TMTC2: variants seen among roughly 807,000 people sequenced by gnomAD.
TMTC2 encodes protein O-mannosyl-transferase TMTC2.
In TMTC2, 43 loss-of-function variants were observed where a neutral mutation model predicts 82.4. The ratio of observed to expected loss-of-function variants is 0.52; its 90% CI spans 0.41 to 0.67. TMTC2 has a LOEUF of 0.67. Among genes scored for constraint, TMTC2 ranks in the 30% least tolerant of loss-of-function variants. The pLI is 0.00. For missense variants in TMTC2, 919 were observed against 1,012.4 expected (o/e 0.91, Z 1.25); for synonymous variants, 408 against 381.9 (o/e 1.07, Z -0.80).
intron 4 of TMTC2, among the ~76,000 whole-genome samples, chr12:82,943,470 C>T (rs776615562): frequency 6.6e-6 from 1 of 152,306 alleles, no homozygotes; most frequent in East Asian, 1.9e-4. Flanking sequence ...TCAGTTGTTG[C>T]ACTAATATGG....
At position 82,746,415 on chromosome 12, in the gene TMTC2, G is replaced by A. The variant is rs577564152; in HGVS notation, c.83+58746G>A. Among the ~76,000 whole-genome samples, 7 of 152,204 alleles carry A rather than the reference G, an allele frequency of 4.6e-5. No homozygotes were observed. The East Asian group carries it at 9.7e-4, about 21-fold the overall frequency. On this transcript the variant is annotated intron_variant, in intron 1 of 11. Transcript: ENST00000321196. ...CTACTGGGAAGTATTTCATTTAATT[G>A]AACACATATTTATGGGATGCATCAT...
intron 1 of TMTC2, among the ~76,000 whole-genome samples, chr12:82,772,053 A>T (rs1877342869): frequency 6.6e-6 from 1 of 152,114 alleles, no homozygotes; most frequent in Admixed American, 6.6e-5. Flanking sequence ...GTGTGTGTGT[A>T]TGTTTTTTTC....
At chr12:82,807,067 T>A (rs1242139564) in intron 1 of TMTC2, among the ~76,000 whole-genome samples, 1 of 152,146 alleles carries the variant, frequency 6.6e-6, no homozygotes, top group Non-Finnish European at 1.5e-5. Flanking sequence ...GATATGTTGA[T>A]CTTTAAATTC....
intron 9 of TMTC2, among the ~76,000 whole-genome samples, chr12:83,049,378 G>A (rs1882261891): frequency 6.6e-6 from 1 of 152,108 alleles, no homozygotes; most frequent in South Asian, 2.1e-4. Context: ...TGTACTCAAT[G>A]TTTAGCTCCC....
chr12:83,112,389 G>A (rs572477049), intron 11 of TMTC2, among the ~76,000 whole-genome samples: 16 of 152,188 alleles, frequency 1.1e-4, no homozygotes, highest in Admixed American at 1.0e-3. Flanking sequence ...CATTTTCCAA[G>A]AAATTACTAT....
intron 8 of TMTC2, among the ~76,000 whole-genome samples, chr12:82,987,438 GA>G (rs1437900920): frequency 1.1e-3 from 123 of 113,468 alleles, no homozygotes; most frequent in Middle Eastern, 9.3e-3. Context: ...AAAAAAAAGA[GA>G]AAAAAAAAAA....
chr12:82,721,074 T>C (rs531605929), intron 1 of TMTC2, among the ~76,000 whole-genome samples: 1 of 152,376 alleles, frequency 6.6e-6, no homozygotes, highest in Non-Finnish European at 1.5e-5. Flanking sequence ...CTGATACACA[T>C]TTAAATTAGA....
At chr12:82,719,298 TGGCCA>T (rs1394227691) in intron 1 of TMTC2, among the ~76,000 whole-genome samples, 1 of 151,640 alleles carries the variant, frequency 6.6e-6, no homozygotes, top group Non-Finnish European at 1.5e-5. Context: ...TTCACCATCT[TGGCCA>T]GGCTAGTCTC....
chr12:82,900,823 A>G (rs1873960065), intron 3 of TMTC2, among the ~76,000 whole-genome samples: 1 of 133,886 alleles, frequency 7.5e-6, no homozygotes, highest in Admixed American at 8.1e-5. Context: ...AGGAATATAT[A>G]TACCTGGAAT....
chr12:82,802,514 TCTA>T (rs1879061827), intron 1 of TMTC2, among the ~76,000 whole-genome samples: 1 of 152,186 alleles, frequency 6.6e-6, no homozygotes, highest in South Asian at 2.1e-4. Flanking sequence ...ACCTCTCACT[TCTA>T]CTGTAATAAG....
chr12:83,030,409 G>A (rs952888147), intron 8 of TMTC2, among the ~76,000 whole-genome samples: 1 of 152,020 alleles, frequency 6.6e-6, no homozygotes, highest in Admixed American at 6.6e-5. Context: ...TCTTTACAAG[G>A]AAAAAGAAGG....
intron 1 of TMTC2, among the ~76,000 whole-genome samples, chr12:82,833,979 G>A (rs1869891241): frequency 6.6e-6 from 1 of 152,174 alleles, no homozygotes; most frequent in Non-Finnish European, 1.5e-5. Context: ...AAAACTTGTG[G>A]ACTTTGGTAA....
intron 1 of TMTC2, among the ~76,000 whole-genome samples, chr12:82,704,681 A>G (rs1873258979): frequency 6.6e-6 from 1 of 152,038 alleles, no homozygotes; most frequent in African/African-American, 2.4e-5. Context: ...GTTCACTTAA[A>G]TGAAATTATT....
At chr12:82,810,874 C>T (rs1374317424) in intron 1 of TMTC2, among the ~76,000 whole-genome samples, 1 of 152,074 alleles carries the variant, frequency 6.6e-6, no homozygotes, top group Non-Finnish European at 1.5e-5. Context: ...GCGTTGCTTC[C>T]CCTTCACCTT....
intron 1 of TMTC2, among the ~76,000 whole-genome samples, chr12:82,814,957 A>G (rs866327278): frequency 6.6e-6 from 1 of 152,228 alleles, no homozygotes; most frequent in African/African-American, 2.4e-5. Flanking sequence ...TGAGTTACAT[A>G]TGGAAGTAAA....
rs11115610 is a variant in TMTC2, at chr12:83,133,412, G to A, written c.*1023G>A. On this transcript the variant is annotated 3_prime_UTR_variant, in exon 12 of 12. Coordinates refer to ENST00000321196, the MANE Select transcript of TMTC2 (RefSeq NM_152588.3). The stretch of plus-strand genomic sequence containing the variant: ...TTGTGTTTTGGAAAGGGTAGGTATC[G>A]AATGTTAATCACTTTCTAATGGGTA... 1 of 152,140 alleles carries A rather than the reference G, an allele frequency of 6.6e-6. No homozygotes were observed. The highest frequency in any genetic ancestry group is 2.4e-5 in the African/African-American group (1 of 41,422). The allele number at this position is 152,140 out of a possible 1,614,324, so 9.4% of individuals were successfully genotyped here.
chr12:82,979,847 T>C (rs1878843468), intron 7 of TMTC2, among the ~76,000 whole-genome samples: 1 of 151,806 alleles, frequency 6.6e-6, no homozygotes, highest in African/African-American at 2.4e-5. Flanking sequence ...GTTTGAAGGA[T>C]ATTTTCACTG....
At chr12:82,864,478 A>G (rs1871716145) in intron 2 of TMTC2, among the ~76,000 whole-genome samples, 1 of 147,748 alleles carries the variant, frequency 6.8e-6, no homozygotes, top group Non-Finnish European at 1.5e-5. Context: ...TCTCATTCAT[A>G]TCAGTGTATG....
chr12:82,817,474 A>G (rs1276303806), intron 1 of TMTC2, among the ~76,000 whole-genome samples: 2 of 152,052 alleles, frequency 1.3e-5, no homozygotes, highest in Non-Finnish European at 2.9e-5. Flanking sequence ...TAATTCTTGA[A>G]TGTGTTTCTG....
Sources: gnomAD v4.1 joint callset for allele counts (sites outside exome capture counted in the v4.1 genomes callset) on GRCh38, gnomAD v4.1.1 for gene constraint, MANE v1.5 for transcripts, NCBI Gene and HGNC (gene_info 2026-07-23, HGNC 2026-07-21) for gene names.